Variants in MAPK10 observed in about 807,000 individuals in gnomAD.
MAPK10 encodes mitogen-activated protein kinase 10.
MAPK10 carries 25 observed loss-of-function variants against 59.3 expected under a neutral mutation model. The observed-to-expected ratio is 0.42, with a 90% confidence interval of 0.31 to 0.59. MAPK10 has a LOEUF of 0.59. MAPK10 is among the 20% of genes least tolerant of loss of function. The probability of loss-of-function intolerance (pLI) is 0.15; values close to 1 mark genes in which losing one functional copy is unlikely to be tolerated. For synonymous variants in MAPK10, 190 were observed against 200.5 expected (o/e 0.95, Z 0.44); for missense variants, 351 against 568.9 (o/e 0.62, Z 3.90).
intron 2 of MAPK10, among the ~76,000 whole-genome samples, chr4:86,269,634 T>A (rs892271527): frequency 3.3e-5 from 5 of 152,136 alleles, no homozygotes; most frequent in African/African-American, 1.2e-4. Flanking sequence ...CTGTCTCTAC[T>A]CCCACTTGGA....
chr4:86,255,467 C>T (rs17011617), intron 2 of MAPK10, among the ~76,000 whole-genome samples: 7,891 of 152,200 alleles, frequency 0.052, 285 homozygotes, highest in African/African-American at 0.092. Context: ...GAGCTGCATT[C>T]CTCTCTGAAG....
At chr4:86,518,269 C>T (rs890896422) in intron 1 of MAPK10, among the ~76,000 whole-genome samples, 7 of 152,200 alleles carry the variant, frequency 4.6e-5, no homozygotes, top group African/African-American at 1.7e-4. Flanking sequence ...GTGATCTGCC[C>T]GCCTTGGCCT....
chr4:86,269,480 T>C (rs1259848641), intron 2 of MAPK10, among the ~76,000 whole-genome samples: 1 of 152,176 alleles, frequency 6.6e-6, no homozygotes, highest in Non-Finnish European at 1.5e-5. Flanking sequence ...GTCTTAATAA[T>C]TCAATTCAGA....
chr4:86,077,490 C>A (rs906962116), intron 9 of MAPK10, among the ~76,000 whole-genome samples: 2 of 152,148 alleles, frequency 1.3e-5, no homozygotes, highest in African/African-American at 4.8e-5. Flanking sequence ...CATATTTAAG[C>A]CTTCAGAACT....
At chr4:86,540,597 G>A (rs759788333) in intron 1 of MAPK10, among the ~76,000 whole-genome samples, 1 of 152,104 alleles carries the variant, frequency 6.6e-6, no homozygotes, top group African/African-American at 2.4e-5. Context: ...TCTAGAAGAC[G>A]AGAGCACAGA....
intron 1 of MAPK10, among the ~76,000 whole-genome samples, chr4:86,589,834 A>T (rs1762897084): frequency 6.6e-6 from 1 of 151,730 alleles, no homozygotes; most frequent in Admixed American, 6.6e-5. Flanking sequence ...AATACAAAAA[A>T]TTAGCTGGGC....
At chr4:86,176,646 G>GAA (rs34870954) in intron 3 of MAPK10, among the ~76,000 whole-genome samples, 5 of 151,662 alleles carry the variant, frequency 3.3e-5, no homozygotes, top group African/African-American at 7.3e-5. Flanking sequence ...TAAATTTTTA[G>GAA]AAAAAAACTG....
At chr4:86,172,600 G>A (rs1026929041) in intron 3 of MAPK10, among the ~76,000 whole-genome samples, 1 of 150,986 alleles carries the variant, frequency 6.6e-6, no homozygotes, top group African/African-American at 2.5e-5. Flanking sequence ...GGGAGGGATA[G>A]CATTAGGAGA....
chr4:86,171,120 C>A (rs1044921979), intron 3 of MAPK10: 2 of 151,642 alleles, frequency 1.3e-5, no homozygotes, highest in Admixed American at 6.6e-5. Flanking sequence ...CAAGAGAAAG[C>A]AGGAAAGATC....
chr4:86,548,473 C>G (rs899693663), intron 1 of MAPK10, among the ~76,000 whole-genome samples: 6 of 152,206 alleles, frequency 3.9e-5, no homozygotes, highest in Non-Finnish European at 7.3e-5. Flanking sequence ...GTTTGGATCT[C>G]TGTCCCCACT....
At chr4:86,579,684 A>T (rs1762132167) in intron 1 of MAPK10, among the ~76,000 whole-genome samples, 1 of 152,236 alleles carries the variant, frequency 6.6e-6, no homozygotes, top group East Asian at 1.9e-4. Flanking sequence ...AGAAAATTTA[A>T]TTCCAGAGAT....
intron 4 of MAPK10, among the ~76,000 whole-genome samples, chr4:86,128,290 G>A (rs139009199): frequency 1.0e-3 from 156 of 152,138 alleles, no homozygotes; most frequent in African/African-American, 3.5e-3. Flanking sequence ...CTATTGATAT[G>A]GTTTGGCTGT....
intron 1 of MAPK10, among the ~76,000 whole-genome samples, chr4:86,579,872 G>A (rs979843623): frequency 6.6e-6 from 1 of 152,064 alleles, no homozygotes; most frequent in African/African-American, 2.4e-5. Context: ...GGAGTGCATT[G>A]GCACGATCAC....
chr4:86,338,589 C>G (rs1723000656), intron 2 of MAPK10, among the ~76,000 whole-genome samples: 1 of 152,218 alleles, frequency 6.6e-6, no homozygotes. Context: ...GATAAATACA[C>G]AGCAGTGTAC....
Position 86,487,914 on chromosome 4 carries a change from A to G in MAPK10, c.-263+105996T>C, listed in dbSNP as rs562945781. Among the ~76,000 whole-genome samples, 3 of 152,190 alleles carry G rather than the reference A, an allele frequency of 2.0e-5. No individual in the cohort carries two copies. The South Asian group carries it at 6.2e-4, about 32-fold the overall frequency. On this transcript the variant is annotated intron_variant, in intron 1 of 4. Coordinates refer to the MAPK10 transcript ENST00000502302. ...TGTAAAGTTTTAGGCCTTGATGTTA[A>G]GGTAGATTGCACAATAGTCTGAGAG... is the stretch of plus-strand genomic sequence containing the variant.
chr4:86,117,928 T>C (rs989849700), intron 4 of MAPK10: 1 of 152,148 alleles, frequency 6.6e-6, no homozygotes, highest in Admixed American at 6.5e-5. Context: ...GATTGTATGT[T>C]CTGGAAATCT....
chr4:86,315,037 A>C (rs1360584183), intron 2 of MAPK10, among the ~76,000 whole-genome samples: 1 of 152,168 alleles, frequency 6.6e-6, no homozygotes, highest in African/African-American at 2.4e-5. Flanking sequence ...TTTTGCTATT[A>C]TACATTACAA....
intron 2 of MAPK10, among the ~76,000 whole-genome samples, chr4:86,206,618 C>T (rs1247408427): frequency 6.6e-6 from 1 of 152,178 alleles, no homozygotes; most frequent in African/African-American, 2.4e-5. Context: ...GAAGAATCAC[C>T]ACACTGACTT....
At chr4:86,378,533 C>G (rs1330940037) in intron 1 of MAPK10, among the ~76,000 whole-genome samples, 2 of 152,214 alleles carry the variant, frequency 1.3e-5, no homozygotes, top group Non-Finnish European at 2.9e-5. Context: ...CTGTCTCCCC[C>G]TCTAAAATGT....
Sources: gnomAD v4.1 joint callset for allele counts (sites outside exome capture counted in the v4.1 genomes callset) on GRCh38, gnomAD v4.1.1 for gene constraint, MANE v1.5 for transcripts, NCBI Gene and HGNC (gene_info 2026-07-23, HGNC 2026-07-21) for gene names.